The following MYL2 variants were observed in gnomAD, a reference collection of about 807,000 sequenced individuals.
The protein encoded by MYL2 is myosin light chain 2.
Under a neutral mutation model 23.0 loss-of-function variants are expected in MYL2, and 19 were observed. That is an observed-to-expected ratio of 0.83 (90% CI 0.58 to 1.21). The LOEUF is 1.21. Among genes scored for constraint, MYL2 ranks in the 50% most tolerant of loss-of-function variants. The pLI, the probability that MYL2 is intolerant of heterozygous loss-of-function variation, is 0.00. For missense variants in MYL2, 180 were observed against 215.1 expected (o/e 0.84, Z 1.02); for synonymous variants, 78 against 76.2 (o/e 1.02, Z -0.13).
In MYL2 at chr12:110,919,163, C is replaced by A. The variant is rs730880937; in HGVS notation, c.34G>T (p.Gly12Cys). 3.1e-6 allele frequency: 5 copies of A among 1,613,712 alleles called. No homozygotes were observed. Among genetic ancestry groups the A allele is most frequent in the Middle Eastern group, 3.5e-4 (2 of 5,760 alleles). Residue 12 changes from glycine to cysteine, a missense_variant, in exon 2 of 7, where the codon GGC (glycine) becomes TGC (cysteine). Gly to Cys is a radical substitution (Grantham distance 159). Coordinates refer to ENST00000228841, the MANE Select transcript of MYL2 (RefSeq NM_000432.4). Reference protein sequence around the residue: ...APKKAKKRAGGANSNVFSMFE... With the variant: ...APKKAKKRAGCANSNVFSMFE... The stretch of plus-strand genomic sequence containing the variant: ...ATGGAGAACACGTTGGAGTTGGCGC[C>A]CCCGGCTCTCTTCTTTGCTTTCTTA...
rs573317144 is a variant in MYL2, at chr12:110,911,001, C to T, written c.*76G>A. The T allele has an allele frequency of 3.9e-5, 50 of 1,287,268 alleles. No individual in the cohort carries two copies. In the African/African-American group the frequency reaches 4.2e-4, roughly 11 times the overall value. The allele number at this position is 1,287,268 out of a possible 1,614,324, so 79.7% of individuals were successfully genotyped here. On this transcript the variant is annotated 3_prime_UTR_variant, in exon 7 of 7. Transcript: ENST00000228841. ...CTAACAGACAAGGTAGGGACAGAGG[C>T]GGTACTCGGGGGAGAGAGATGAGGG...
chr12:110,920,368 G>A (rs978416867), intron 1 of MYL2, among the ~76,000 whole-genome samples, 159 bp downstream of exon 1: 1 of 152,042 alleles, frequency 6.6e-6, no homozygotes, highest in Admixed American at 6.6e-5. Flanking sequence ...GGCATTGATT[G>A]GGGTTCCTCT....
At position 110,918,812 on chromosome 12, in the gene MYL2, T is replaced by C. The variant is rs1391565861; in HGVS notation, c.93+292A>G. On this transcript the variant is annotated intron_variant, in intron 2 of 6. Transcript: ENST00000228841. The surrounding 1 kb of genome is among the most constrained non-coding windows in gnomAD (Gnocchi z 4.4). ...GAAGGGTATATACTAAAATGTGAAC[T>C]GATTATCTCTGGGTAATAGAATTGT... 1 of 403,204 alleles carries C rather than the reference T, an allele frequency of 2.5e-6. No individual in the cohort carries two copies. Among genetic ancestry groups the C allele is most frequent in the Admixed American group, 3.8e-5 (1 of 26,612 alleles). 25.0% of individuals were successfully genotyped at this position (403,204 alleles called of 1,614,324 possible).
chr12:110,916,969 C>T (rs948770013), intron 2 of MYL2, among the ~76,000 whole-genome samples: 1 of 152,098 alleles, frequency 6.6e-6, no homozygotes, highest in African/African-American at 2.4e-5. Flanking sequence ...CTGCCTCAGC[C>T]TCCCGAGTAG....
chr12:110,917,615 G>A (rs953149264), intron 2 of MYL2, among the ~76,000 whole-genome samples: 3 of 152,172 alleles, frequency 2.0e-5, no homozygotes, highest in East Asian at 3.8e-4. Flanking sequence ...GAAAAGAGGC[G>A]GGTGTAGCTT....
chr12:110,919,367 G>A (rs2071706158), intron 1 of MYL2, among the ~76,000 whole-genome samples, 174 bp from the exon 2 acceptor site: 1 of 152,172 alleles, frequency 6.6e-6, no homozygotes, highest in Non-Finnish European at 1.5e-5. Flanking sequence ...GGGAGCAAAG[G>A]ACATGACATG....
chr12:110,916,546 A>C (rs902208858), intron 2 of MYL2, among the ~76,000 whole-genome samples: 13 of 152,248 alleles, frequency 8.5e-5, no homozygotes, highest in Non-Finnish European at 1.6e-4. Flanking sequence ...TTAAAACATC[A>C]GTGAAAGAAG....
chr12:110,919,874 CT>C (rs1183557984), intron 1 of MYL2, among the ~76,000 whole-genome samples: 3 of 152,316 alleles, frequency 2.0e-5, no homozygotes, highest in Non-Finnish European at 4.4e-5. Context: ...CAAGTGGATA[CT>C]ATTATTATCA....
In MYL2 at chr12:110,911,073, C is replaced by G. The variant is rs1367779835; in HGVS notation, c.*4G>C. On this transcript the variant is annotated 3_prime_UTR_variant, in exon 7 of 7. Transcript: ENST00000228841. The stretch of plus-strand genomic sequence containing the variant: ...GAGCCCAGGGCGCAGCAGCGAGCCC[C>G]CTCCTAGTCCTTCTCTTCTCCGTGG... 2 of 1,613,790 alleles carry G rather than the reference C, an allele frequency of 1.2e-6. No individual in the cohort carries two copies. The highest frequency in any genetic ancestry group is 1.7e-6 in the Non-Finnish European group (2 of 1,179,796).
rs973507289 is a variant in MYL2, at chr12:110,910,914, A to G, written c.*163T>C. On this transcript the variant is annotated 3_prime_UTR_variant, in exon 7 of 7. Coordinates refer to ENST00000228841, the MANE Select transcript of MYL2 (RefSeq NM_000432.4). ...CCAACTGTAGGATGTGCGGCCACGA[A>G]GTACCCATAGCCACCCAGGCTGCAA... The G allele has an allele frequency of 5.8e-6, 4 of 692,344 alleles. No homozygotes were observed. Among genetic ancestry groups the G allele is most frequent in the East Asian group, 2.7e-5 (1 of 37,244 alleles). 42.9% of individuals were successfully genotyped at this position (692,344 alleles called of 1,614,324 possible).
chr12:110,918,226 C>T lies in MYL2; in HGVS notation c.93+878G>A, dbSNP rs935578997. On this transcript the variant is annotated intron_variant, in intron 2 of 6. Coordinates refer to ENST00000228841, the MANE Select transcript of MYL2 (RefSeq NM_000432.4). The surrounding 1 kb of genome is among the most constrained non-coding windows in gnomAD (Gnocchi z 4.4). ...AATTCTGAGCCTGTCCATCCAAGCC[C>T]GTGTGCAGTTTGGCCTAATTGGTAC... Among the ~76,000 whole-genome samples the T allele has an allele frequency of 2.0e-5, 3 of 152,170 alleles. No homozygotes were observed. Among genetic ancestry groups the T allele is most frequent in the East Asian group, 1.9e-4 (1 of 5,202 alleles).
rs143139258 is a variant in MYL2 at position 110,913,097 on chromosome 12, T to G, written c.401A>C (p.Glu134Ala). 675 of 1,613,870 alleles carry G rather than the reference T, an allele frequency of 4.2e-4. 1 individual carries two copies. Among genetic ancestry groups the G allele is most frequent in the Non-Finnish European group, 5.3e-4 (629 of 1,179,990 alleles). Residue 134 changes from glutamate to alanine, a missense_variant and splice_region_variant, in exon 6 of 7, where the codon GAG (glutamate) becomes GCG (alanine). Transcript: ENST00000228841. The stretch of plus-strand genomic sequence containing the variant: ...GGAGTGCTTGAAGGACCCCATTACC[T>G]CCTCCTTGGAAAACCTCTCCGCCTG... ...TTQAERFSKE[E>A]VDQMFAAFPP...
chr12:110,913,437 T>G (rs2071668044), intron 4 of MYL2, 113 bp from the exon 5 acceptor site: 1 of 1,082,000 alleles, frequency 9.2e-7, no homozygotes, highest in Non-Finnish European at 1.4e-6. Flanking sequence ...AAGGCTGCTT[T>G]GCATGGAGGA....
chr12:110,917,151 T>G (rs1036622442), intron 2 of MYL2, among the ~76,000 whole-genome samples: 4 of 152,042 alleles, frequency 2.6e-5, no homozygotes, highest in Admixed American at 2.6e-4. Flanking sequence ...TGGCCCGTGA[T>G]TCCTCATTTG....
At chr12:110,914,096 A>G (rs1017050693) in intron 4 of MYL2, 90 bp downstream of exon 4, 8 of 1,023,510 alleles carry the variant, frequency 7.8e-6, no homozygotes, top group African/African-American at 6.3e-5. Context: ...ATGGTGCTTT[A>G]TCTCTTTTAA....
rs1423130699 is a variant in MYL2, at chr12:110,911,104, G to A, written c.474C>T (p.Ile158=). 1.9e-6 allele frequency: 3 copies of A among 1,613,948 alleles called. No homozygotes were observed. The African/African-American group carries it at 4.0e-5, about 22-fold the overall frequency. Residue 158 remains isoleucine, a synonymous_variant, in exon 7 of 7, where the codon ATC becomes ATT. Transcript: ENST00000228841. ...AGTCCTTCTCTTCTCCGTGGGTGAT[G>A]ATGTGCACCAGGTTCTTGTAGTCCA... ...GNLDYKNLVH[I]ITHGEEKD
At chr12:110,914,143 T>C (rs769481572) in intron 4 of MYL2, 43 bp downstream of exon 4, 6 of 1,410,410 alleles carry the variant, frequency 4.3e-6, no homozygotes, top group South Asian at 2.3e-5. Flanking sequence ...CGAAGAAACA[T>C]AGACACATAC....
chr12:110,913,012 G>A (rs1386477728), intron 6 of MYL2, 84 bp downstream of exon 6: 3 of 1,445,404 alleles, frequency 2.1e-6, no homozygotes, highest in Non-Finnish European at 2.9e-6. Flanking sequence ...GGTCAGGGGT[G>A]CTTTAGACGA....
rs572363699 is a variant in MYL2, at chr12:110,913,230, C to T, written c.353+16G>A. ...CAAGCAGGGAACCCCCTTCCTCCCC[C>T]ACAGACCCCACTCACTAATCAGCCT... On this transcript the variant is annotated intron_variant, in intron 5 of 6. Transcript: ENST00000228841. 51 of 1,608,604 alleles carry T rather than the reference C, an allele frequency of 3.2e-5. No homozygotes were observed. The East Asian group carries it at 5.8e-4, about 18-fold the overall frequency.
Sources: gnomAD v4.1 joint callset for allele counts (sites outside exome capture counted in the v4.1 genomes callset) on GRCh38, gnomAD v4.1.1 for gene constraint, Gnocchi (gnomAD v3.1) non-coding constraint, MANE v1.5 for transcripts, NCBI Gene and HGNC (gene_info 2026-07-23, HGNC 2026-07-21) for gene names.